Variants in CAST observed in about 807,000 individuals in gnomAD.
CAST encodes MIR583 host.
A neutral mutation model predicts 119.6 loss-of-function variants in CAST; 76 were observed. The observed-to-expected ratio is 0.64, with a 90% CI of 0.53 to 0.77. The LOEUF is 0.77. Among genes scored for constraint, CAST ranks in the 30% least tolerant of loss-of-function variants. The pLI is 0.00. For missense variants in CAST, 953 were observed against 946.5 expected (o/e 1.01, Z -0.09); for synonymous variants, 319 against 331.6 (o/e 0.96, Z 0.41).
chr5:96,529,961 C>G (rs1580811834), intron 1 of CAST: 1 of 295,092 alleles, frequency 3.4e-6, no homozygotes, highest in East Asian at 1.2e-4. Context: ...TGGAAGAATA[C>G]AGCCATTCTA....
At chr5:96,714,969 A>G (rs1045872706) in intron 3 of CAST, 4 of 117,078 alleles carry the variant, frequency 3.4e-5, no homozygotes, top group Non-Finnish European at 6.0e-5. Context: ...CTCAGAGAAT[A>G]TGGCCAGTAT....
At chr5:96,695,394 T>C (rs960835508) in intron 2 of CAST, among the ~76,000 whole-genome samples, 1 of 152,346 alleles carries the variant, frequency 6.6e-6, no homozygotes, top group Middle Eastern at 3.4e-3. Context: ...GTTATAGTAC[T>C]GTGATCAGTA....
the CAST span, among the ~76,000 whole-genome samples, chr5:95,995,394 A>G: frequency 3.3e-5 from 5 of 152,214 alleles, no homozygotes; most frequent in Admixed American, 6.5e-5. Context: ...CTTTAATATG[A>G]TTCATGTATA....
At chr5:96,348,986 T>C in the CAST span, among the ~76,000 whole-genome samples, 2 of 152,022 alleles carry the variant, frequency 1.3e-5, no homozygotes, top group Non-Finnish European at 2.9e-5. Flanking sequence ...CTGGGGTTTC[T>C]GAAGAGTAAA....
chr5:96,484,182 T>C, the CAST span, among the ~76,000 whole-genome samples: 7 of 152,108 alleles, frequency 4.6e-5, no homozygotes, highest in Admixed American at 3.3e-4. Flanking sequence ...GATGAGGAGA[T>C]TGAATTTCTC....
chr5:96,058,055 T>C, the CAST span, among the ~76,000 whole-genome samples: 1 of 151,746 alleles, frequency 6.6e-6, no homozygotes, highest in East Asian at 1.9e-4. Context: ...ATTTAAAATA[T>C]GTGTGTGTGT....
At chr5:96,575,295 T>A (rs1306057561) in intron 1 of CAST, among the ~76,000 whole-genome samples, 1 of 152,138 alleles carries the variant, frequency 6.6e-6, no homozygotes, top group Non-Finnish European at 1.5e-5. Context: ...ATTCTAGAAG[T>A]ACTTTTTGGT....
the CAST span, among the ~76,000 whole-genome samples, chr5:96,317,300 C>A: frequency 1.5e-5 from 2 of 130,168 alleles, no homozygotes; most frequent in Admixed American, 8.1e-5. Flanking sequence ...TGTGTCTGTA[C>A]CAAAAATACA....
At chr5:96,077,011 G>C in the CAST span, among the ~76,000 whole-genome samples, 2 of 150,998 alleles carry the variant, frequency 1.3e-5, no homozygotes, top group Non-Finnish European at 3.0e-5. Flanking sequence ...GTAACATTCT[G>C]TCTTGACATT....
intron 1 of CAST, among the ~76,000 whole-genome samples, chr5:96,588,567 T>C (rs1746902168): frequency 6.6e-6 from 1 of 152,234 alleles, no homozygotes; most frequent in Non-Finnish European, 1.5e-5. Context: ...TATAGTGGTC[T>C]AATTCTTCAA....
At chr5:96,199,644 T>C in the CAST span, among the ~76,000 whole-genome samples, 1 of 152,118 alleles carries the variant, frequency 6.6e-6, no homozygotes, top group African/African-American at 2.4e-5. Context: ...AAATAAGTAA[T>C]TGAGAACATT....
the CAST span, among the ~76,000 whole-genome samples, chr5:96,299,642 C>T: frequency 0.012 from 1,847 of 152,204 alleles, 34 homozygotes; most frequent in African/African-American, 0.042. Context: ...GGGTAAATGA[C>T]CCTGATATGA....
intron 1 of CAST, among the ~76,000 whole-genome samples, chr5:96,532,494 C>A (rs1356572919): frequency 6.6e-6 from 1 of 152,148 alleles, no homozygotes; most frequent in East Asian, 1.9e-4. Context: ...GCCGGAGGAT[C>A]ACTTGAGCCT....
chr5:96,725,148 C>T (rs944485008), intron 4 of CAST, among the ~76,000 whole-genome samples: 2 of 152,114 alleles, frequency 1.3e-5, no homozygotes, highest in African/African-American at 4.8e-5. Context: ...ATAAGATGCA[C>T]GTAATGAAGT....
intron 1 of CAST, among the ~76,000 whole-genome samples, chr5:96,631,557 G>C (rs77412222): frequency 7.3e-6 from 1 of 136,288 alleles, no homozygotes; most frequent in African/African-American, 2.6e-5. Flanking sequence ...TGCTGTGAAC[G>C]TTTGTGTAAA....
At chr5:96,623,566 C>T (rs1355737883) in intron 1 of CAST, among the ~76,000 whole-genome samples, 1 of 152,162 alleles carries the variant, frequency 6.6e-6, no homozygotes, top group African/African-American at 2.4e-5. Flanking sequence ...CTGGGTCTGT[C>T]TGAATTCAAT....
chr5:96,283,175 T>C, the CAST span, among the ~76,000 whole-genome samples: 2 of 151,754 alleles, frequency 1.3e-5, no homozygotes, highest in Non-Finnish European at 2.9e-5. Flanking sequence ...GTATAATCAT[T>C]GACCAATTAA....
the CAST span, among the ~76,000 whole-genome samples, chr5:96,208,559 AT>A: frequency 8.6e-5 from 13 of 151,886 alleles, no homozygotes; most frequent in Admixed American, 8.5e-4. Context: ...GAATTTCCTG[AT>A]TTTTGCTTTA....
intron 10 of CAST, among the ~76,000 whole-genome samples, chr5:96,737,096 TG>T (rs1425094609): frequency 6.6e-6 from 1 of 152,160 alleles, no homozygotes; most frequent in Non-Finnish European, 1.5e-5. Flanking sequence ...ATCGCCCCAA[TG>T]ATCCAGTCAC....
Sources: gnomAD v4.1 joint callset for allele counts (sites outside exome capture counted in the v4.1 genomes callset) on GRCh38, gnomAD v4.1.1 for gene constraint, MANE v1.5 for transcripts, NCBI Gene and HGNC (gene_info 2026-07-23, HGNC 2026-07-21) for gene names.